CCBE1: variants seen among roughly 807,000 people sequenced by gnomAD.
The protein encoded by CCBE1 is collagen and calcium-binding EGF domain-containing protein 1.
In CCBE1, 37 loss-of-function variants were observed where a neutral mutation model predicts 50.0. That is an observed-to-expected ratio of 0.74 (90% CI 0.57 to 0.97). The LOEUF (loss-of-function observed/expected upper bound fraction) is 0.97, where lower values mean the gene tolerates loss of function less well. Ranked by LOEUF, CCBE1 falls within the 50% of genes least tolerant of loss-of-function variation. CCBE1 has a pLI of 0.00. For missense variants in CCBE1, 538 were observed against 523.8 expected, an observed-to-expected ratio of 1.03 and a Z score of -0.26; for synonymous variants, 234 against 203.7, an observed-to-expected ratio of 1.15 and a Z score of -1.27.
At chr18:59,561,487 G>T (rs1350030509) in intron 2 of CCBE1, among the ~76,000 whole-genome samples, 4 of 152,156 alleles carry the variant, frequency 2.6e-5, no homozygotes, top group African/African-American at 7.2e-5. Context: ...AGTTTAGAGT[G>T]CAGGCGTGTA....
At chr18:59,549,535 C>T (rs1171009562) in intron 2 of CCBE1, among the ~76,000 whole-genome samples, 1 of 152,134 alleles carries the variant, frequency 6.6e-6, no homozygotes, top group Non-Finnish European at 1.5e-5. Context: ...GGAAGGTAAC[C>T]TCTGTCAGTC....
chr18:59,664,411 T>TGGGGGGGGG (rs1373282061), intron 2 of CCBE1, among the ~76,000 whole-genome samples: 1 of 151,778 alleles, frequency 6.6e-6, no homozygotes, highest in African/African-American at 2.4e-5. Context: ...ATAAAGTAAA[T>TGGGGGGGGG]GGGAACAGAA....
At position 59,638,801 on chromosome 18, in the gene CCBE1, T is replaced by C. The variant is rs550220818; in HGVS notation, c.212+57828A>G. ...CTTTAAAAGGATAGCATTTATAATATTAAAATTAGGTTTTCGGAGTAAGTC... is the reference window on the plus strand; with the variant it reads ...CTTTAAAAGGATAGCATTTATAATACTAAAATTAGGTTTTCGGAGTAAGTC... On this transcript the variant is annotated intron_variant, in intron 2 of 10. Coordinates refer to ENST00000439986, the MANE Select transcript of CCBE1 (RefSeq NM_133459.4). 9.2e-5 allele frequency among the ~76,000 whole-genome samples: 14 copies of C among 152,300 alleles called. No individual in the cohort carries two copies. The South Asian group carries it at 2.9e-3, about 32-fold the overall frequency.
chr18:59,624,346 A>G (rs950828140), intron 2 of CCBE1, among the ~76,000 whole-genome samples: 1 of 152,238 alleles, frequency 6.6e-6, no homozygotes, highest in Non-Finnish European at 1.5e-5. Flanking sequence ...AGGGCATACT[A>G]AAGTTGCAAT....
At chr18:59,658,391 ATATATATATATATATATATATAT>A (rs2054231988) in intron 2 of CCBE1, among the ~76,000 whole-genome samples, 3 of 46,454 alleles carry the variant, frequency 6.5e-5, no homozygotes, top group African/African-American at 2.4e-4. Context: ...ATATATATAT[ATATATATATATATATATATATAT>A]ATAAAGTTAG....
intron 2 of CCBE1, among the ~76,000 whole-genome samples, chr18:59,562,668 C>T (rs1230917648): frequency 6.6e-6 from 1 of 152,240 alleles, no homozygotes; most frequent in Non-Finnish European, 1.5e-5. Flanking sequence ...ACCTGTTACT[C>T]CCTGGCCCAT....
At chr18:59,538,357 G>A (rs1915333466) in intron 2 of CCBE1, among the ~76,000 whole-genome samples, 2 of 152,054 alleles carry the variant, frequency 1.3e-5, no homozygotes, top group South Asian at 2.1e-4. Flanking sequence ...ATTTTTCCTT[G>A]GAACAGCTGA....
intron 2 of CCBE1, among the ~76,000 whole-genome samples, chr18:59,559,732 G>A (rs910389599): frequency 6.6e-6 from 1 of 152,244 alleles, no homozygotes; most frequent in African/African-American, 2.4e-5. Flanking sequence ...TTTATTAACA[G>A]CTATGAAGGC....
At chr18:59,576,059 T>C (rs1173165992) in intron 2 of CCBE1, among the ~76,000 whole-genome samples, 1 of 152,240 alleles carries the variant, frequency 6.6e-6, no homozygotes, top group African/African-American at 2.4e-5. Context: ...CTTGGCATCA[T>C]GTATTTAAGA....
intron 2 of CCBE1, chr18:59,568,269 T>A (rs1437597091): frequency 6.6e-6 from 1 of 151,818 alleles, no homozygotes; most frequent in African/African-American, 2.4e-5. Context: ...TAACCCACAA[T>A]CCCTGATTCT....
intron 2 of CCBE1, among the ~76,000 whole-genome samples, chr18:59,547,397 A>G (rs1915748502): frequency 6.6e-6 from 1 of 152,166 alleles, no homozygotes. Flanking sequence ...GGGGGATAAG[A>G]CAAAGAGCCC....
At chr18:59,511,833 G>A (rs556062000) in intron 2 of CCBE1, among the ~76,000 whole-genome samples, 1 of 152,156 alleles carries the variant, frequency 6.6e-6, no homozygotes, top group Non-Finnish European at 1.5e-5. Flanking sequence ...GGGAATCCAT[G>A]TAAGTTGAAA....
chr18:59,542,241 C>G (rs1177771974), intron 2 of CCBE1, among the ~76,000 whole-genome samples: 1 of 114,110 alleles, frequency 8.8e-6, no homozygotes, highest in Admixed American at 9.0e-5. Context: ...TCAGTGCTGC[C>G]TGGGTGCCCT....
At chr18:59,655,857 A>G (rs772275832) in intron 2 of CCBE1, among the ~76,000 whole-genome samples, 7 of 152,232 alleles carry the variant, frequency 4.6e-5, no homozygotes, top group Non-Finnish European at 1.0e-4. Flanking sequence ...CTGCAGCCCC[A>G]TCTGAATGCA....
chr18:59,582,222 A>G (rs1373328112), intron 2 of CCBE1, among the ~76,000 whole-genome samples: 2 of 152,132 alleles, frequency 1.3e-5, no homozygotes, highest in Non-Finnish European at 2.9e-5. Flanking sequence ...TGAAGTCTTC[A>G]CCGCCACCTC....
intron 2 of CCBE1, among the ~76,000 whole-genome samples, chr18:59,559,177 G>A (rs1450535399): frequency 6.6e-6 from 1 of 152,194 alleles, no homozygotes; most frequent in Admixed American, 6.5e-5. Context: ...GGGGTCTCCT[G>A]CAAGTGTGGA....
intron 2 of CCBE1, chr18:59,696,371 C>G (rs191038201): frequency 3.4e-4 from 297 of 864,696 alleles, no homozygotes; most frequent in Admixed American, 1.7e-3. Context: ...GACTTCCACA[C>G]AAGTATTTCA....
chr18:59,540,322 T>C (rs889413268), intron 2 of CCBE1, among the ~76,000 whole-genome samples: 1 of 152,134 alleles, frequency 6.6e-6, no homozygotes, highest in Non-Finnish European at 1.5e-5. Context: ...TCTGAGAAAA[T>C]TACATATAGA....
chr18:59,491,665 T>C (rs1021839403), intron 2 of CCBE1, among the ~76,000 whole-genome samples: 23 of 151,548 alleles, frequency 1.5e-4, no homozygotes, highest in Admixed American at 1.3e-3. Context: ...AATACAAAAA[T>C]TAGCTGGGTG....
Sources: allele counts gnomAD v4.1 joint callset (sites outside exome capture counted in the v4.1 genomes callset), GRCh38; gene constraint gnomAD v4.1.1; transcripts MANE v1.5; gene names NCBI Gene and HGNC (gene_info 2026-07-23, HGNC 2026-07-21).